The following RGS7BP variants were observed in gnomAD, a reference collection of about 807,000 sequenced individuals.
The protein encoded by RGS7BP is regulator of G protein signaling 7-binding protein.
In RGS7BP, 9 loss-of-function variants were observed where a neutral mutation model predicts 31.3. The ratio of observed to expected loss-of-function variants is 0.29; its 90% CI spans 0.17 to 0.50. The LOEUF (loss-of-function observed/expected upper bound fraction) is 0.50. RGS7BP is among the 20% of genes least tolerant of loss of function. RGS7BP has a pLI of 0.98. For synonymous variants in RGS7BP, 115 were observed against 120.1 expected (o/e 0.96, Z 0.28); for missense variants, 274 against 322.0 (o/e 0.85, Z 1.14).
At chr5:64,511,320 T>G (rs1443157542) in intron 2 of RGS7BP, among the ~76,000 whole-genome samples, 2 of 152,236 alleles carry the variant, frequency 1.3e-5, no homozygotes, top group East Asian at 3.8e-4. Context: ...ATCAGATATC[T>G]GCATTCTGGA....
chr5:64,527,302 C>T (rs1749254701), intron 2 of RGS7BP, among the ~76,000 whole-genome samples: 1 of 152,126 alleles, frequency 6.6e-6, no homozygotes, highest in Admixed American at 6.5e-5. Flanking sequence ...TTTAACAATA[C>T]TGCTACCTGG....
In RGS7BP at chr5:64,610,742, A is replaced by G. The variant is rs555519234; in HGVS notation, c.*1490A>G. 3 of 152,132 alleles carry G rather than the reference A, an allele frequency of 2.0e-5. No individual in the cohort carries two copies. The highest frequency in any genetic ancestry group is 1.9e-4 in the East Asian group (1 of 5,172). The allele number at this position is 152,132 out of a possible 1,614,324, so 9.4% of individuals were successfully genotyped here. On this transcript the variant is annotated 3_prime_UTR_variant, in exon 6 of 6. Coordinates refer to ENST00000334025, the MANE Select transcript of RGS7BP (RefSeq NM_001029875.3). ...TAATTATTGTATTAGGTTGAATTAT[A>G]TGAAATTTCCTATATGTGACTGTTT...
At chr5:64,571,463 G>T (rs1742299084) in intron 2 of RGS7BP, among the ~76,000 whole-genome samples, 1 of 152,020 alleles carries the variant, frequency 6.6e-6, no homozygotes, top group South Asian at 2.1e-4. Context: ...TCATAGGATG[G>T]GTATATGTTT....
At chr5:64,555,314 A>G (rs1044619609) in intron 2 of RGS7BP, among the ~76,000 whole-genome samples, 4 of 152,166 alleles carry the variant, frequency 2.6e-5, no homozygotes, top group Admixed American at 6.6e-5. Context: ...CTGTTTTCTT[A>G]TGAACTAAAG....
chr5:64,530,663 T>C (rs1314569450), intron 2 of RGS7BP, among the ~76,000 whole-genome samples: 2 of 152,202 alleles, frequency 1.3e-5, no homozygotes, highest in East Asian at 1.9e-4. Context: ...AGGTTATTTA[T>C]AATTTTTGCT....
intron 2 of RGS7BP, among the ~76,000 whole-genome samples, chr5:64,553,441 G>A (rs987263104): frequency 6.6e-6 from 1 of 151,858 alleles, no homozygotes; most frequent in African/African-American, 2.4e-5. Context: ...CAAAGTGCTA[G>A]GATTACAAGC....
At chr5:64,593,782 T>C (rs1742985661) in intron 3 of RGS7BP, among the ~76,000 whole-genome samples, 1 of 152,154 alleles carries the variant, frequency 6.6e-6, no homozygotes, top group South Asian at 2.1e-4. Flanking sequence ...AGTGAATGAA[T>C]GAGTGAGTGA....
At position 64,506,655 on chromosome 5, in the gene RGS7BP, C is replaced by T; in HGVS notation, c.31C>T (p.Arg11Cys). 2 of 1,611,676 alleles carry T rather than the reference C, an allele frequency of 1.2e-6. No homozygotes were observed. Among genetic ancestry groups the T allele is most frequent in the Non-Finnish European group, 1.7e-6 (2 of 1,178,416 alleles). MSSAPNGRKK[R>C]PSRSTRSSIF... ...TTCTGCACCGAATGGGCGCAAAAAG[C>T]GCCCCAGCCGGTCCACCCGCTCCTC... The change falls in exon 1 of 6, where the codon CGC becomes TGC. Residue 11 changes from arginine to cysteine, a missense_variant. Physicochemically the swap from Arg to Cys is radical, Grantham distance 180. Around this residue, in one of 3 missense-constraint regions of RGS7BP, gnomAD observed 149 missense variants for 152.6 expected, o/e 0.98. Coordinates refer to ENST00000334025, the MANE Select transcript of RGS7BP (RefSeq NM_001029875.3). The surrounding 1 kb of genome is among the most constrained non-coding windows in gnomAD (Gnocchi z 4.6).
chr5:64,561,423 G>A (rs7714165), intron 2 of RGS7BP, among the ~76,000 whole-genome samples: 121,314 of 152,106 alleles, frequency 0.8, 48,838 homozygotes, highest in African/African-American at 0.89. Context: ...GGTATGTACC[G>A]GCTAAAATCA....
At chr5:64,524,537 T>A (rs1179462973) in intron 2 of RGS7BP, among the ~76,000 whole-genome samples, 1 of 152,216 alleles carries the variant, frequency 6.6e-6, no homozygotes. Context: ...AATTTTTTCC[T>A]CTATAATTTC....
chr5:64,575,556 C>T (rs1175376733), intron 2 of RGS7BP: 2 of 686,062 alleles, frequency 2.9e-6, no homozygotes, highest in Non-Finnish European at 4.0e-6. Flanking sequence ...CAGAACTCTG[C>T]TGCTGAAGGG....
chr5:64,542,075 T>G (rs1179559778), intron 2 of RGS7BP, among the ~76,000 whole-genome samples: 3 of 152,242 alleles, frequency 2.0e-5, no homozygotes, highest in African/African-American at 7.2e-5. Context: ...CTATCCTCTC[T>G]CTGTCTGTTC....
At chr5:64,531,895 C>T (rs373316338) in intron 2 of RGS7BP, among the ~76,000 whole-genome samples, 142 of 152,118 alleles carry the variant, frequency 9.3e-4, no homozygotes, top group African/African-American at 3.3e-3. Flanking sequence ...TATGTTTAAA[C>T]AATGTTAAAA....
chr5:64,585,439 G>C (rs921092901), intron 3 of RGS7BP, among the ~76,000 whole-genome samples: 1 of 152,008 alleles, frequency 6.6e-6, no homozygotes, highest in African/African-American at 2.4e-5. Context: ...AGAAGGAATG[G>C]AAGGGGCAAA....
At chr5:64,532,759 C>G (rs1454551920) in intron 2 of RGS7BP, among the ~76,000 whole-genome samples, 1 of 152,078 alleles carries the variant, frequency 6.6e-6, no homozygotes, top group Non-Finnish European at 1.5e-5. Flanking sequence ...TTTGTGGAGT[C>G]TGTTGCCCCC....
intron 3 of RGS7BP, among the ~76,000 whole-genome samples, chr5:64,592,183 A>G (rs1561347127): frequency 6.6e-6 from 1 of 152,188 alleles, no homozygotes. Context: ...TTAAATTCAT[A>G]TTGATCTTTT....
At chr5:64,547,416 T>G (rs1265980383) in intron 2 of RGS7BP, among the ~76,000 whole-genome samples, 1 of 152,226 alleles carries the variant, frequency 6.6e-6, no homozygotes, top group Non-Finnish European at 1.5e-5. Context: ...TAGCCTCTGG[T>G]GAGCAGACAT....
In RGS7BP at chr5:64,610,203, G is replaced by T. The variant is rs1743467988; in HGVS notation, c.*951G>T. 2 of 152,342 alleles carry T rather than the reference G, an allele frequency of 1.3e-5. No homozygotes were observed. The highest frequency in any genetic ancestry group is 6.6e-5 in the Admixed American group (1 of 15,224). 9.4% of individuals were successfully genotyped at this position (152,342 alleles called of 1,614,324 possible). The stretch of plus-strand genomic sequence containing the variant: ...AAAGTTTTTTAGTTAAGCTAAGCTT[G>T]TCTCATTTTAGATGACTATGCAGAT... On this transcript the variant is annotated 3_prime_UTR_variant, in exon 6 of 6. Transcript: ENST00000334025.
chr5:64,534,363 T>C (rs933438209), intron 2 of RGS7BP, among the ~76,000 whole-genome samples: 2 of 152,240 alleles, frequency 1.3e-5, no homozygotes, highest in South Asian at 2.1e-4. Context: ...TGATTTAAAA[T>C]GCAGTGAAAA....
Sources: allele counts gnomAD v4.1 joint callset (sites outside exome capture counted in the v4.1 genomes callset), GRCh38; gene constraint gnomAD v4.1.1; regional missense constraint gnomAD v4.1.1; non-coding constraint Gnocchi (gnomAD v3.1); transcripts MANE v1.5; gene names NCBI Gene and HGNC (gene_info 2026-07-23, HGNC 2026-07-21).